The following NLGN1 variants were observed in gnomAD, a reference collection of about 807,000 sequenced individuals.
The protein encoded by NLGN1 is neuroligin 1, also known as neuroligin-1.
In NLGN1, 12 loss-of-function variants were observed where a neutral mutation model predicts 65.5. That is an observed-to-expected ratio of 0.18 (90% CI 0.12 to 0.30). The LOEUF (loss-of-function observed/expected upper bound fraction) is 0.30, where lower values mean the gene tolerates loss of function less well. Ranked by LOEUF, NLGN1 falls within the 10% of genes least tolerant of loss-of-function variation. NLGN1 has a pLI of 1.00. For missense variants in NLGN1, 750 were observed against 1,007.1 expected (o/e 0.74, Z 3.46); for synonymous variants, 350 against 359.5 (o/e 0.97, Z 0.30).
chr3:173,638,541 T>C (rs1226429351), intron 3 of NLGN1, among the ~76,000 whole-genome samples: 3 of 152,140 alleles, frequency 2.0e-5, no homozygotes, highest in African/African-American at 7.2e-5. Flanking sequence ...CTGCTGAGCA[T>C]GTGAGGTCAG....
intron 4 of NLGN1, among the ~76,000 whole-genome samples, chr3:174,038,136 G>A (rs1308613330): frequency 2.6e-5 from 4 of 152,208 alleles, no homozygotes; most frequent in East Asian, 1.9e-4. Flanking sequence ...TGTGGCAGTC[G>A]CTGTGAATCC....
chr3:174,090,050 G>A (rs1351128121), intron 4 of NLGN1, among the ~76,000 whole-genome samples: 3 of 152,016 alleles, frequency 2.0e-5, no homozygotes, highest in Non-Finnish European at 4.4e-5. Context: ...TGAAAAGCAA[G>A]CCTTTATTTA....
intron 4 of NLGN1, among the ~76,000 whole-genome samples, chr3:174,156,490 G>A (rs1057014016): frequency 1.3e-5 from 2 of 151,712 alleles, no homozygotes; most frequent in Admixed American, 1.3e-4. Flanking sequence ...CACCTTTCAC[G>A]CAATGACTCT....
intron 4 of NLGN1, among the ~76,000 whole-genome samples, chr3:173,978,270 G>A (rs1037262936): frequency 1.3e-5 from 2 of 152,006 alleles, no homozygotes; most frequent in East Asian, 3.9e-4. Context: ...GTCTTTACTT[G>A]TGACAAATTG....
At chr3:173,972,291 C>G (rs1316691576) in intron 4 of NLGN1, among the ~76,000 whole-genome samples, 1 of 152,028 alleles carries the variant, frequency 6.6e-6, no homozygotes. Context: ...TTAGGGCTGG[C>G]TTACTACTTT....
intron 2 of NLGN1, among the ~76,000 whole-genome samples, chr3:173,482,544 G>A (rs552597306): frequency 1.6e-4 from 25 of 151,728 alleles, no homozygotes; most frequent in African/African-American, 5.8e-4. Context: ...AAAATATGAT[G>A]TAGAAATTTC....
chr3:173,831,398 C>T (rs1051851908), intron 4 of NLGN1, among the ~76,000 whole-genome samples: 9 of 152,220 alleles, frequency 5.9e-5, no homozygotes, highest in Admixed American at 2.0e-4. Context: ...TGGATGAGGA[C>T]GGTGCTACAA....
chr3:174,275,442 T>G, exon 5 of NLGN1: 1 of 1,612,792 alleles, frequency 6.2e-7, no homozygotes, highest in Non-Finnish European at 8.5e-7. Flanking sequence ...TCACTGTTTT[T>G]GGATCTGGTG....
intron 4 of NLGN1, among the ~76,000 whole-genome samples, chr3:174,142,511 T>C (rs1341227763): frequency 1.3e-5 from 2 of 152,070 alleles, no homozygotes; most frequent in Admixed American, 6.6e-5. Flanking sequence ...TCTAAATAAA[T>C]TTTCTGGTTT....
chr3:174,194,487 A>G (rs1733001534), intron 4 of NLGN1, among the ~76,000 whole-genome samples: 2 of 151,994 alleles, frequency 1.3e-5, no homozygotes, highest in Middle Eastern at 3.4e-3. Flanking sequence ...AACAATCTCC[A>G]TCATTCTTTT....
At chr3:174,231,045 AC>A (rs1397591925) in intron 4 of NLGN1, among the ~76,000 whole-genome samples, 1 of 152,160 alleles carries the variant, frequency 6.6e-6, no homozygotes, top group Non-Finnish European at 1.5e-5. Flanking sequence ...TAAGCTATAA[AC>A]TAAGTTCATC....
At chr3:173,977,345 C>T (rs568109351) in intron 4 of NLGN1, among the ~76,000 whole-genome samples, 217 of 151,706 alleles carry the variant, frequency 1.4e-3, no homozygotes, top group Non-Finnish European at 2.6e-3. Flanking sequence ...GGGAAGGGCA[C>T]GTGCATAAAC....
At chr3:173,530,129 A>G (rs1366608936) in intron 2 of NLGN1, among the ~76,000 whole-genome samples, 3 of 151,878 alleles carry the variant, frequency 2.0e-5, no homozygotes, top group Admixed American at 6.6e-5. Flanking sequence ...TAATTTTTGT[A>G]TTTTTAGTAG....
chr3:173,931,624 A>G (rs946283879), intron 4 of NLGN1, among the ~76,000 whole-genome samples: 3 of 152,146 alleles, frequency 2.0e-5, no homozygotes, highest in Non-Finnish European at 4.4e-5. Context: ...TGAGAGAAAG[A>G]GTGAGTAGAA....
rs552091846 is a variant in NLGN1 at position 173,539,974 on chromosome 3, G to A, written c.-320-64305G>A. Among the ~76,000 whole-genome samples the A allele has an allele frequency of 2.4e-4, 36 of 150,802 alleles. No individual in the cohort carries two copies. The South Asian group carries it at 7.1e-3, about 30-fold the overall frequency. On this transcript the variant is annotated intron_variant, in intron 2 of 6. Coordinates refer to ENST00000457714, the Ensembl canonical transcript of NLGN1. ...CTTAGTGATAGAGTGCTGTTGAGTA[G>A]GGCAACTTTATAATGGTTTACTGGG...
In NLGN1 at chr3:174,280,751, A is replaced by G; in HGVS notation, c.1920A>G (p.Arg640=). Residue 640 remains arginine (R), a synonymous_variant, in exon 7 of 7, where the codon AGA becomes AGG. Coordinates refer to ENST00000457714, the Ensembl canonical transcript of NLGN1. This position sits in a 1 kb window ranked among gnomAD's most constrained non-coding sequence, Gnocchi z 4.9. ...CTGACATCACTTTCAGACCTACGAG[A>G]AAAAATTCTGTACCTGTCACGTCAG... 1.9e-6 allele frequency: 3 copies of G among 1,613,354 alleles called. No homozygotes were observed. The highest frequency in any genetic ancestry group is 2.5e-6 in the Non-Finnish European group (3 of 1,179,534).
intron 4 of NLGN1, among the ~76,000 whole-genome samples, chr3:173,850,330 C>T (rs546358500): frequency 6.6e-6 from 1 of 152,228 alleles, no homozygotes; most frequent in East Asian, 1.9e-4. Context: ...TTGATGCTGA[C>T]ATTCAATAAC....
At chr3:173,675,887 T>TCTCTCACACA (rs756157881) in intron 3 of NLGN1, among the ~76,000 whole-genome samples, 6,640 of 138,456 alleles carry the variant, frequency 0.048, 240 homozygotes, top group Middle Eastern at 0.14. Context: ...TCTCTCTCTC[T>TCTCTCACACA]CACACACACA....
intron 3 of NLGN1, among the ~76,000 whole-genome samples, chr3:173,637,391 C>T (rs928784792): frequency 6.6e-6 from 1 of 152,090 alleles, no homozygotes; most frequent in Non-Finnish European, 1.5e-5. Context: ...ATCTGAATAA[C>T]ATTTAAACTA....
Sources: gnomAD v4.1 joint callset for allele counts (sites outside exome capture counted in the v4.1 genomes callset) on GRCh38, gnomAD v4.1.1 for gene constraint, Gnocchi (gnomAD v3.1) non-coding constraint, MANE v1.5 for transcripts, NCBI Gene and HGNC (gene_info 2026-07-23, HGNC 2026-07-21) for gene names.